MFSD6: variants seen among roughly 807,000 people sequenced by gnomAD.
MFSD6 encodes the protein major facilitator superfamily domain-containing protein 6.
MFSD6 carries 26 observed loss-of-function variants against 56.3 expected under a neutral mutation model. The observed-to-expected ratio is 0.46, with a 90% CI of 0.34 to 0.64. MFSD6 has a LOEUF of 0.64. Ranked by LOEUF, MFSD6 falls within the 30% of genes least tolerant of loss-of-function variation. MFSD6 has a pLI of 0.01. For synonymous variants in MFSD6, 331 were observed against 366.9 expected (o/e 0.90, Z 1.12); for missense variants, 750 against 986.2 (o/e 0.76, Z 3.21).
chr2:190,495,561 C>G lies in MFSD6; in HGVS notation c.1892-1878C>G, dbSNP rs1031773021. 4.6e-5 allele frequency among the ~76,000 whole-genome samples: 7 copies of G among 152,080 alleles called. No homozygotes were observed. The highest frequency in any genetic ancestry group is 1.7e-4 in the African/African-American group (7 of 41,428). On this transcript the variant is annotated intron_variant, in intron 6 of 7. Coordinates refer to ENST00000392328, the MANE Select transcript of MFSD6 (RefSeq NM_017694.4). The surrounding 1 kb of genome is among the most constrained non-coding windows in gnomAD (Gnocchi z 4.7). ...CCAAAGTGAGACTAAGCAAAAAGAA[C>G]AAATCTGGAGGCATCACACTACCTG...
intron 2 of MFSD6, among the ~76,000 whole-genome samples, chr2:190,421,825 A>G (rs1685627900): frequency 1.3e-5 from 2 of 152,340 alleles, no homozygotes; most frequent in Admixed American, 1.3e-4. Context: ...TAGTAGGATT[A>G]TCACCTGTAT....
Position 190,488,250 on chromosome 2 carries a change from T to C in MFSD6, c.1631-407T>C, listed in dbSNP as rs1011720837. Among the ~76,000 whole-genome samples the C allele has an allele frequency of 2.6e-5, 4 of 152,226 alleles. No homozygotes were observed. On this transcript the variant is annotated intron_variant, in intron 4 of 7. Transcript: ENST00000392328. The surrounding 1 kb of genome is among the most constrained non-coding windows in gnomAD (Gnocchi z 6.4). The stretch of plus-strand genomic sequence containing the variant: ...CTCAGATACTTGCATACCAGGTTGA[T>C]AGCAGCATTAATCAAAGTAGCAGAA...
chr2:190,429,718 G>T (rs1313155738), intron 2 of MFSD6, among the ~76,000 whole-genome samples: 2 of 151,858 alleles, frequency 1.3e-5, no homozygotes, highest in Non-Finnish European at 2.9e-5. Context: ...AAATCTTTAA[G>T]ATATTTTTCT....
At position 190,469,641 on chromosome 2, in the gene MFSD6, A is replaced by G; in HGVS notation, c.1533-117A>G. On this transcript the variant is annotated intron_variant, in intron 3 of 7. Transcript: ENST00000392328. This position sits in a 1 kb window ranked among gnomAD's most constrained non-coding sequence, Gnocchi z 5.3. ...CTGCTGGATGATGGGTGGTTTGGGG[A>G]AGGAAAAGGTAGGTAATATTTGCAT... The G allele has an allele frequency of 2.0e-6, 1 of 490,208 alleles. No individual in the cohort carries two copies. The highest frequency in any genetic ancestry group is 3.1e-6 in the Non-Finnish European group (1 of 317,898). The allele number at this position is 490,208 out of a possible 1,614,324, so 30.4% of individuals were successfully genotyped here.
Position 190,426,819 on chromosome 2 carries a change from T to C in MFSD6, c.-53-9158T>C, listed in dbSNP as rs547952431. ...GAAAGCAAGATGTTTTGGGTATTAT[T>C]TTATGAGACTGTGGATCTTATTTAG... is the stretch of plus-strand genomic sequence containing the variant. On this transcript the variant is annotated intron_variant, in intron 2 of 7. Transcript: ENST00000392328. The surrounding 1 kb of genome is among the most constrained non-coding windows in gnomAD (Gnocchi z 4.7). 5.4e-5 allele frequency among the ~76,000 whole-genome samples: 8 copies of C among 149,214 alleles called. No homozygotes were observed. Among genetic ancestry groups the C allele is most frequent in the Middle Eastern group, 3.5e-3 (1 of 286 alleles).
At chr2:190,475,561 A>G (rs1688251590) in intron 4 of MFSD6, among the ~76,000 whole-genome samples, 2 of 152,246 alleles carry the variant, frequency 1.3e-5, no homozygotes, top group South Asian at 4.1e-4. Flanking sequence ...GAAATAAAAG[A>G]GGATACAAAC....
Position 190,496,153 on chromosome 2 carries a change from A to C in MFSD6, c.1892-1286A>C, listed in dbSNP as rs893711969. Among the ~76,000 whole-genome samples, 1 of 151,898 alleles carries C rather than the reference A, an allele frequency of 6.6e-6. No individual in the cohort carries two copies. Among genetic ancestry groups the C allele is most frequent in the Non-Finnish European group, 1.5e-5 (1 of 67,884 alleles). On this transcript the variant is annotated intron_variant, in intron 6 of 7. Transcript: ENST00000392328. This position sits in a 1 kb window ranked among gnomAD's most constrained non-coding sequence, Gnocchi z 4.7. The stretch of plus-strand genomic sequence containing the variant: ...CAAACAAATTAGCAAGAAAAAAAAA[A>C]ACACCAAAGAGTGGACTAAGGACAT...
At position 190,489,142 on chromosome 2, in the gene MFSD6, T is replaced by A. The variant is rs1479696281; in HGVS notation, c.1792+324T>A. ...AAATAAGGTACCTTAAACCTGCTGA[T>A]AATAACCCTAAAGGAAATAAAATTC... is the stretch of plus-strand genomic sequence containing the variant. On this transcript the variant is annotated intron_variant, in intron 5 of 7. Coordinates refer to ENST00000392328, the MANE Select transcript of MFSD6 (RefSeq NM_017694.4). This position sits in a 1 kb window ranked among gnomAD's most constrained non-coding sequence, Gnocchi z 6.6. 6.6e-6 allele frequency among the ~76,000 whole-genome samples: 1 copy of A among 152,236 alleles called. No homozygotes were observed. The highest frequency in any genetic ancestry group is 1.5e-5 in the Non-Finnish European group (1 of 68,038).
Position 190,491,828 on chromosome 2 carries a change from A to G in MFSD6, c.1891+1962A>G, listed in dbSNP as rs571104895. Among the ~76,000 whole-genome samples the G allele has an allele frequency of 6.6e-6, 1 of 152,338 alleles. No homozygotes were observed. The highest frequency in any genetic ancestry group is 6.5e-5 in the Admixed American group (1 of 15,304). Reference sequence around the variant, plus strand: ...AGAAGAAATCTCTGACTTCCCTGAAAAAGAATTCAGAAGGTCCATTATTAA... The same window carrying G: ...AGAAGAAATCTCTGACTTCCCTGAAGAAGAATTCAGAAGGTCCATTATTAA... On this transcript the variant is annotated intron_variant, in intron 6 of 7. Coordinates refer to ENST00000392328, the MANE Select transcript of MFSD6 (RefSeq NM_017694.4). This position sits in a 1 kb window ranked among gnomAD's most constrained non-coding sequence, Gnocchi z 4.2.
In MFSD6 at chr2:190,431,414, C is replaced by T. The variant is rs1685993127; in HGVS notation, c.-53-4563C>T. ...CCCCACTGCACTCCAGCCTGGGCAC[C>T]ATTGATCACTGAGTGAACGAGACTC... On this transcript the variant is annotated intron_variant, in intron 2 of 7. Coordinates refer to ENST00000392328, the MANE Select transcript of MFSD6 (RefSeq NM_017694.4). The surrounding 1 kb of genome is among the most constrained non-coding windows in gnomAD (Gnocchi z 4.4). Among the ~76,000 whole-genome samples, 2 of 152,244 alleles carry T rather than the reference C, an allele frequency of 1.3e-5. No individual in the cohort carries two copies. The highest frequency in any genetic ancestry group is 1.3e-4 in the Admixed American group (2 of 15,290).
intron 3 of MFSD6, among the ~76,000 whole-genome samples, chr2:190,446,206 G>A (rs1686577487): frequency 6.6e-6 from 1 of 152,180 alleles, no homozygotes; most frequent in South Asian, 2.1e-4. Flanking sequence ...AAGCCTTGCT[G>A]AACTTTATCT....
At chr2:190,466,734 AT>A (rs1287865669) in intron 3 of MFSD6, among the ~76,000 whole-genome samples, 1 of 152,090 alleles carries the variant, frequency 6.6e-6, no homozygotes, top group Non-Finnish European at 1.5e-5. Context: ...GATACTTCTT[AT>A]TTTGTGTTTT....
rs1690588287 is a variant in MFSD6 at position 190,412,185 on chromosome 2, A to G, written c.-175-3107A>G. On this transcript the variant is annotated intron_variant, in intron 1 of 7. Transcript: ENST00000392328. This position sits in a 1 kb window ranked among gnomAD's most constrained non-coding sequence, Gnocchi z 4.1. ...GCTTAGAATCCTTAAAAATTAATAC[A>G]TTTCCAGACTTAGAAATCCAGAGCC... 1 of 984,750 alleles carries G rather than the reference A, an allele frequency of 1.0e-6. No homozygotes were observed. Among genetic ancestry groups the G allele is most frequent in the Non-Finnish European group, 1.2e-6 (1 of 829,426 alleles). The allele number at this position is 984,750 out of a possible 1,614,324, so 61.0% of individuals were successfully genotyped here.
At chr2:190,449,982 T>C (rs1422818772) in intron 3 of MFSD6, among the ~76,000 whole-genome samples, 1 of 151,950 alleles carries the variant, frequency 6.6e-6, no homozygotes, top group Non-Finnish European at 1.5e-5. Context: ...ACCTGCACAT[T>C]GTGCACGTGT....
chr2:190,463,737 C>T lies in MFSD6; in HGVS notation c.1533-6021C>T, dbSNP rs1687452279. On this transcript the variant is annotated intron_variant, in intron 3 of 7. Coordinates refer to ENST00000392328, the MANE Select transcript of MFSD6 (RefSeq NM_017694.4). The surrounding 1 kb of genome is among the most constrained non-coding windows in gnomAD (Gnocchi z 4.4). ...TGGGGGGCTGAGGTGGGAGGATCAC[C>T]TGGGCTCTGGTGGTCAAGGCTGCAT... is the stretch of plus-strand genomic sequence containing the variant. 3.4e-6 allele frequency: 1 copy of T among 294,586 alleles called. No individual in the cohort carries two copies. Among genetic ancestry groups the T allele is most frequent in the South Asian group, 1.3e-4 (1 of 7,682 alleles). 18.2% of individuals were successfully genotyped at this position (294,586 alleles called of 1,614,324 possible). A position where few individuals can be genotyped will look rare whatever the true frequency, so the allele number is the denominator to read the frequency against.
At chr2:190,441,835 C>G (rs986702725) in intron 3 of MFSD6, among the ~76,000 whole-genome samples, 1 of 152,076 alleles carries the variant, frequency 6.6e-6, no homozygotes, top group African/African-American at 2.4e-5. Flanking sequence ...TTCTTCTGCC[C>G]AAGGCCGTGG....
At chr2:190,430,052 T>A (rs1261045305) in intron 2 of MFSD6, among the ~76,000 whole-genome samples, 1 of 146,782 alleles carries the variant, frequency 6.8e-6, no homozygotes, top group Non-Finnish European at 1.5e-5. Flanking sequence ...TATGTCCAAG[T>A]GTTCTCATTG....
rs929883336 is a variant in MFSD6 at position 190,434,880 on chromosome 2, G to A, written c.-53-1097G>A. Among the ~76,000 whole-genome samples, 3 of 152,194 alleles carry A rather than the reference G, an allele frequency of 2.0e-5. No individual in the cohort carries two copies. The highest frequency in any genetic ancestry group is 7.2e-5 in the African/African-American group (3 of 41,444). The stretch of plus-strand genomic sequence containing the variant: ...TGTTAGGAATTGGGCTGCACAGCAA[G>A]AGCGGGCCAGCAAGCATTATCACAT... On this transcript the variant is annotated intron_variant, in intron 2 of 7. Coordinates refer to ENST00000392328, the MANE Select transcript of MFSD6 (RefSeq NM_017694.4). The surrounding 1 kb of genome is among the most constrained non-coding windows in gnomAD (Gnocchi z 4.3).
rs1689376067 is a variant in MFSD6, at chr2:190,491,819, T to TCAAAGACAAGGTTTTTGAATTAA, written c.1891+1953_1891+1954insCAAAGACAAGGTTTTTGAATTAA. Among the ~76,000 whole-genome samples, 1 of 152,142 alleles carries TCAAAGACAAGGTTTTTGAATTAA rather than the reference T, an allele frequency of 6.6e-6. No individual in the cohort carries two copies. The highest frequency in any genetic ancestry group is 2.4e-5 in the African/African-American group (1 of 41,434). On this transcript the variant is annotated intron_variant, in intron 6 of 7. Coordinates refer to ENST00000392328, the MANE Select transcript of MFSD6 (RefSeq NM_017694.4). This position sits in a 1 kb window ranked among gnomAD's most constrained non-coding sequence, Gnocchi z 4.2. ...TCCAAACCAAGAAGAAATCTCTGAC[T>TCAAAGACAAGGTTTTTGAATTAA]TCCCTGAAAAAGAATTCAGAAGGTC...
Sources: allele counts gnomAD v4.1 joint callset (sites outside exome capture counted in the v4.1 genomes callset), GRCh38; gene constraint gnomAD v4.1.1; non-coding constraint Gnocchi (gnomAD v3.1); transcripts MANE v1.5; gene names NCBI Gene and HGNC (gene_info 2026-07-23, HGNC 2026-07-21).